The following LSM3 variants were observed in gnomAD, a reference collection of about 807,000 sequenced individuals.
LSM3 encodes the protein LSM3 homolog, U6 small nuclear RNA and mRNA degradation associated.
In LSM3, 14 loss-of-function variants were observed where a neutral mutation model predicts 15.4. The ratio of observed to expected loss-of-function variants is 0.91; its 90% CI spans 0.60 to 1.42. The LOEUF (loss-of-function observed/expected upper bound fraction) is 1.42. Among genes scored for constraint, LSM3 ranks in the 40% most tolerant of loss-of-function variants. The pLI, the probability that LSM3 is intolerant of heterozygous loss-of-function variation, is 0.00. For synonymous variants in LSM3, 46 were observed against 45.1 expected (o/e 1.02, Z -0.08); for missense variants, 88 against 127.9 (o/e 0.69, Z 1.50).
chr3:14,178,984 C>T, intron 1 of LSM3, 103 bp downstream of exon 1: 1 of 1,283,652 alleles, frequency 7.8e-7, no homozygotes, highest in Non-Finnish European at 1.1e-6. Flanking sequence ...CTCCAAGTCA[C>T]CATGGCCTAA....
At chr3:14,185,617 T>G (rs979146844) in intron 3 of LSM3, among the ~76,000 whole-genome samples, 1 of 152,234 alleles carries the variant, frequency 6.6e-6, no homozygotes, top group Admixed American at 6.5e-5. Flanking sequence ...AAGGAGTTTG[T>G]TTTGTGAATG....
chr3:14,181,759 A>G (rs750248604), intron 2 of LSM3, 89 bp downstream of exon 2: 5 of 925,938 alleles, frequency 5.4e-6, no homozygotes, highest in Non-Finnish European at 8.7e-6. Flanking sequence ...GTGAAAGGGT[A>G]TTTTGAAGGA....
intron 1 of LSM3, among the ~76,000 whole-genome samples, chr3:14,179,573 C>G (rs1230525351): frequency 6.6e-6 from 1 of 152,198 alleles, no homozygotes; most frequent in East Asian, 1.9e-4. Flanking sequence ...TCTGGTTACC[C>G]TGCCTCATTT....
chr3:14,189,757 C>G (rs1697121768), intron 3 of LSM3, among the ~76,000 whole-genome samples: 1 of 152,138 alleles, frequency 6.6e-6, no homozygotes, highest in South Asian at 2.1e-4. Flanking sequence ...GTTGCCTGTT[C>G]ACTCATGATA....
chr3:14,188,440 A>G lies in LSM3; in HGVS notation c.228+4408A>G, dbSNP rs76820322. On this transcript the variant is annotated intron_variant, in intron 3 of 3. Transcript: ENST00000306024. ...ATTTAACTTTTTGAATAGATACTAG[A>G]CTCACACAGTCTTAAAATTACAAAA... is the stretch of plus-strand genomic sequence containing the variant. 7.8e-3 allele frequency among the ~76,000 whole-genome samples: 1,184 copies of G among 152,288 alleles called. 19 individuals carry two copies. Among genetic ancestry groups the G allele is most frequent in the African/African-American group, 0.025 (1,026 of 41,554 alleles).
At chr3:14,197,861 T>C (rs1413742289) in intron 3 of LSM3, among the ~76,000 whole-genome samples, 175 bp from the exon 4 acceptor site, 1 of 152,148 alleles carries the variant, frequency 6.6e-6, no homozygotes, top group African/African-American at 2.4e-5. Context: ...TCTGCCACAA[T>C]TGTCGAAAGG....
Position 14,179,021 on chromosome 3 carries a change from C to G in LSM3, c.21+140C>G, listed in dbSNP as rs895820411. 9 of 913,820 alleles carry G rather than the reference C, an allele frequency of 9.8e-6. No individual in the cohort carries two copies. In the East Asian group the frequency reaches 1.8e-4, roughly 18 times the overall value. The allele number at this position is 913,820 out of a possible 1,614,324, so 56.6% of individuals were successfully genotyped here. A position where few individuals can be genotyped will look rare whatever the true frequency, so the allele number is the denominator to read the frequency against. Reference sequence around the variant, plus strand: ...CCACCCTGTCCTTTCCGTAACCCCCCCTCCGAATTTTGCCGTAGGCCCTGA... The same window carrying G: ...CCACCCTGTCCTTTCCGTAACCCCCGCTCCGAATTTTGCCGTAGGCCCTGA... On this transcript the variant is annotated intron_variant, in intron 1 of 3. Coordinates refer to ENST00000306024, the MANE Select transcript of LSM3 (RefSeq NM_014463.3).
At chr3:14,196,356 T>C (rs1007374808) in intron 3 of LSM3, among the ~76,000 whole-genome samples, 4 of 152,126 alleles carry the variant, frequency 2.6e-5, no homozygotes, top group African/African-American at 9.7e-5. Context: ...CCCCAAAGGA[T>C]GCAAGCAGGA....
At chr3:14,184,080 C>G in intron 3 of LSM3, 48 bp downstream of exon 3, 4 of 1,566,078 alleles carry the variant, frequency 2.6e-6, no homozygotes, top group South Asian at 1.2e-5. Context: ...CAGCTGTTCT[C>G]TCTCGAACAG....
At chr3:14,180,840 TTTTTTTTTTTTTTTTTTAA>T (rs1559390199) in intron 1 of LSM3, among the ~76,000 whole-genome samples, 12 of 126,268 alleles carry the variant, frequency 9.5e-5, no homozygotes, top group African/African-American at 3.3e-4. Context: ...TTTTTTTTTT[TTTTTTTTTTTTTTTTTTAA>T]AAAAAAAAAA....
chr3:14,194,504 T>G (rs1163482447), intron 3 of LSM3, among the ~76,000 whole-genome samples: 1 of 152,236 alleles, frequency 6.6e-6, no homozygotes, highest in Admixed American at 6.5e-5. Flanking sequence ...GGACAGTCCA[T>G]GTTTTATTCA....
chr3:14,188,552 A>G (rs550019422), intron 3 of LSM3, among the ~76,000 whole-genome samples: 21 of 152,288 alleles, frequency 1.4e-4, no homozygotes, highest in Admixed American at 2.0e-4. Flanking sequence ...CATAAGCACT[A>G]TTACTGGTTT....
At chr3:14,182,063 G>A (rs1326885116) in intron 2 of LSM3, among the ~76,000 whole-genome samples, 1 of 151,992 alleles carries the variant, frequency 6.6e-6, no homozygotes, top group Non-Finnish European at 1.5e-5. Context: ...ACTAAAAATG[G>A]GATTATCTTG....
At chr3:14,195,623 G>A (rs1697181094) in intron 3 of LSM3, among the ~76,000 whole-genome samples, 1 of 152,196 alleles carries the variant, frequency 6.6e-6, no homozygotes, top group South Asian at 2.1e-4. Flanking sequence ...AACTGTGAAT[G>A]AGCTCTGAAT....
At chr3:14,190,182 G>A (rs1307412266) in intron 3 of LSM3, among the ~76,000 whole-genome samples, 1 of 152,210 alleles carries the variant, frequency 6.6e-6, no homozygotes, top group Non-Finnish European at 1.5e-5. Flanking sequence ...CCAGTACCAT[G>A]CTGTTTTGGT....
intron 3 of LSM3, among the ~76,000 whole-genome samples, chr3:14,197,263 C>T (rs77851036): frequency 0.017 from 2,567 of 152,356 alleles, 70 homozygotes; most frequent in African/African-American, 0.059. Context: ...CTGCTAAATA[C>T]ATTAGGCTAA....
At chr3:14,181,414 G>T in intron 1 of LSM3, 146 bp from the exon 2 acceptor site, 1 of 633,006 alleles carries the variant, frequency 1.6e-6, no homozygotes, top group East Asian at 2.6e-5. Flanking sequence ...AACAGTATTA[G>T]GTAGACACTA....
At chr3:14,183,254 G>A (rs767915895) in intron 2 of LSM3, among the ~76,000 whole-genome samples, 2 of 152,184 alleles carry the variant, frequency 1.3e-5, no homozygotes, top group African/African-American at 2.4e-5. Flanking sequence ...CATGTAACAC[G>A]TTGTTAGAAG....
chr3:14,198,472 T>C lies in LSM3; in HGVS notation c.*356T>C. On this transcript the variant is annotated 3_prime_UTR_variant, in exon 4 of 4. Transcript: ENST00000306024. Reference sequence around the variant, plus strand: ...CTTCTGTCTTGTGAATTATTTAAAGTAAGCATGTCTTACCTTCACTTAGCA... The same window carrying C: ...CTTCTGTCTTGTGAATTATTTAAAGCAAGCATGTCTTACCTTCACTTAGCA... The C allele has an allele frequency of 4.1e-6, 1 of 243,008 alleles. No individual in the cohort carries two copies. The highest frequency in any genetic ancestry group is 6.5e-5 in the South Asian group (1 of 15,288). 15.1% of individuals were successfully genotyped at this position (243,008 alleles called of 1,614,324 possible).
Sources: allele counts gnomAD v4.1 joint callset (sites outside exome capture counted in the v4.1 genomes callset), GRCh38; gene constraint gnomAD v4.1.1; transcripts MANE v1.5; gene names NCBI Gene and HGNC (gene_info 2026-07-23, HGNC 2026-07-21).